CDH13: variants seen among roughly 807,000 people sequenced by gnomAD.
CDH13 encodes cadherin-13.
CDH13 carries 24 observed loss-of-function variants against 63.8 expected under a neutral mutation model. That is an observed-to-expected ratio of 0.38 (90% CI 0.27 to 0.53). The LOEUF (loss-of-function observed/expected upper bound fraction) is 0.53, where lower values mean the gene tolerates loss of function less well. CDH13 is among the 20% of genes least tolerant of loss of function. CDH13 has a pLI of 0.85. For missense variants in CDH13, 1,049 were observed against 903.1 expected, an observed-to-expected ratio of 1.16 and a Z score of -2.07; for synonymous variants, 503 against 355.3, an observed-to-expected ratio of 1.42 and a Z score of -4.67.
At chr16:83,531,348 G>A (rs1486007593) in intron 7 of CDH13, among the ~76,000 whole-genome samples, 1 of 152,202 alleles carries the variant, frequency 6.6e-6, no homozygotes, top group Non-Finnish European at 1.5e-5. Flanking sequence ...AGGTGTGTGT[G>A]ATAGACTAAA....
At chr16:82,748,199 G>A (rs1297556187) in intron 1 of CDH13, among the ~76,000 whole-genome samples, 1 of 152,120 alleles carries the variant, frequency 6.6e-6, no homozygotes, top group Non-Finnish European at 1.5e-5. Flanking sequence ...CTCTGTAGTG[G>A]GACGTACAAC....
intron 5 of CDH13, among the ~76,000 whole-genome samples, chr16:83,312,827 C>T (rs2090029205): frequency 6.6e-6 from 1 of 152,184 alleles, no homozygotes; most frequent in Non-Finnish European, 1.5e-5. Context: ...AAAATAAAGG[C>T]AGCAGCTTGT....
intron 3 of CDH13, among the ~76,000 whole-genome samples, chr16:83,104,988 C>T (rs1456631717): frequency 6.6e-6 from 1 of 152,146 alleles, no homozygotes; most frequent in African/African-American, 2.4e-5. Flanking sequence ...ATTCTTTTTT[C>T]TCTCTCTCTT....
At chr16:83,433,873 CA>C (rs1158683747) in intron 6 of CDH13, among the ~76,000 whole-genome samples, 1 of 152,082 alleles carries the variant, frequency 6.6e-6, no homozygotes, top group African/African-American at 2.4e-5. Flanking sequence ...TTCCTCAGTG[CA>C]AAGCACACTC....
At chr16:82,640,510 G>T (rs1462855331) in intron 1 of CDH13, among the ~76,000 whole-genome samples, 1 of 152,110 alleles carries the variant, frequency 6.6e-6, no homozygotes, top group Non-Finnish European at 1.5e-5. Flanking sequence ...TAGCATTAAA[G>T]CAGCCACAGC....
chr16:82,872,195 C>A (rs897997607), intron 2 of CDH13, among the ~76,000 whole-genome samples: 23 of 152,212 alleles, frequency 1.5e-4, no homozygotes, highest in Non-Finnish European at 3.1e-4. Flanking sequence ...TAGAACCCAG[C>A]ATACACACAA....
At chr16:83,428,126 A>G (rs2071970560) in intron 6 of CDH13, among the ~76,000 whole-genome samples, 1 of 152,218 alleles carries the variant, frequency 6.6e-6, no homozygotes, top group Non-Finnish European at 1.5e-5. Context: ...TAGTAGCAGC[A>G]TTTGAATAGG....
chr16:83,617,718 AAT>A (rs566166734), intron 8 of CDH13, among the ~76,000 whole-genome samples: 97 of 151,716 alleles, frequency 6.4e-4, no homozygotes, highest in African/African-American at 2.3e-3. Flanking sequence ...ATTCTATTCT[AAT>A]ATATAATATC....
intron 2 of CDH13, among the ~76,000 whole-genome samples, chr16:82,970,937 A>G (rs531454598): frequency 6.6e-6 from 1 of 152,330 alleles, no homozygotes; most frequent in South Asian, 2.1e-4. Flanking sequence ...CATTTAAAAT[A>G]TTTGTTGAAT....
At chr16:83,081,168 A>G (rs1053882060) in intron 3 of CDH13, among the ~76,000 whole-genome samples, 8 of 152,158 alleles carry the variant, frequency 5.3e-5, no homozygotes, top group African/African-American at 1.9e-4. Flanking sequence ...AGCATGAGCC[A>G]CCGCACCTGG....
At chr16:83,353,701 C>G (rs1449701589) in intron 6 of CDH13, among the ~76,000 whole-genome samples, 1 of 152,260 alleles carries the variant, frequency 6.6e-6, no homozygotes, top group African/African-American at 2.4e-5. Flanking sequence ...TCCTCTCTAA[C>G]CATGAAGTCT....
At chr16:82,668,604 T>C (rs559360319) in intron 1 of CDH13, among the ~76,000 whole-genome samples, 3 of 152,320 alleles carry the variant, frequency 2.0e-5, no homozygotes, top group Admixed American at 6.5e-5. Context: ...GATAAGAGTT[T>C]GAGGCCCTGT....
Position 83,262,268 on chromosome 16 carries a change from C to T in CDH13, c.636+44771C>T, listed in dbSNP as rs528168436. ...TCCCCAGACCACATGGGGTAATGGG[C>T]CTCCATGTCTCTGATTTGCCCATGG... On this transcript the variant is annotated intron_variant, in intron 5 of 13. Coordinates refer to ENST00000567109, the MANE Select transcript of CDH13 (RefSeq NM_001257.5). Among the ~76,000 whole-genome samples the T allele has an allele frequency of 2.0e-4, 30 of 152,268 alleles. No individual in the cohort carries two copies. In the South Asian group the frequency reaches 6.0e-3, roughly 31 times the overall value.
intron 11 of CDH13, among the ~76,000 whole-genome samples, chr16:83,777,705 G>A (rs1287601184): frequency 6.6e-6 from 1 of 152,190 alleles, no homozygotes; most frequent in Non-Finnish European, 1.5e-5. Context: ...TTGCTTCTTT[G>A]CTAGGACTTG....
At chr16:83,281,080 G>C (rs1300749040) in intron 5 of CDH13, among the ~76,000 whole-genome samples, 1 of 150,642 alleles carries the variant, frequency 6.6e-6, no homozygotes, top group African/African-American at 2.5e-5. Context: ...GCCAGGCATT[G>C]ACTTAATCTC....
chr16:83,681,068 A>G (rs1037732125), intron 10 of CDH13, among the ~76,000 whole-genome samples: 2 of 151,858 alleles, frequency 1.3e-5, no homozygotes, highest in African/African-American at 4.8e-5. Flanking sequence ...GTTGAGTCAC[A>G]AGCACAACTC....
At chr16:82,814,937 G>T (rs1204647326) in intron 1 of CDH13, among the ~76,000 whole-genome samples, 1 of 152,130 alleles carries the variant, frequency 6.6e-6, no homozygotes. Context: ...ATGGCTTGAT[G>T]TATTGGGGAA....
intron 1 of CDH13, among the ~76,000 whole-genome samples, chr16:82,833,385 T>C (rs1008157077): frequency 2.0e-5 from 3 of 152,192 alleles, no homozygotes; most frequent in Non-Finnish European, 4.4e-5. Flanking sequence ...GGAAGTTGCA[T>C]AGATAGTAAA....
chr16:83,385,393 TC>T (rs1333423127), intron 6 of CDH13, among the ~76,000 whole-genome samples: 1 of 152,252 alleles, frequency 6.6e-6, no homozygotes, highest in Non-Finnish European at 1.5e-5. Flanking sequence ...ATAATTTCTT[TC>T]TTTGCAAGAT....
Sources: allele counts gnomAD v4.1 joint callset (sites outside exome capture counted in the v4.1 genomes callset), GRCh38; gene constraint gnomAD v4.1.1; transcripts MANE v1.5; gene names NCBI Gene and HGNC (gene_info 2026-07-23, HGNC 2026-07-21).